FILIP1L: variants seen among roughly 807,000 people sequenced by gnomAD.
FILIP1L encodes filamin A interacting protein 1 like, also known as filamin A-interacting protein 1-like.
FILIP1L carries 55 observed loss-of-function variants against 96.6 expected under a neutral mutation model. The observed-to-expected ratio is 0.57, with a 90% CI of 0.46 to 0.71. The LOEUF (loss-of-function observed/expected upper bound fraction) is 0.71. Among genes scored for constraint, FILIP1L ranks in the 30% least tolerant of loss-of-function variants. The pLI is 0.00. For synonymous variants in FILIP1L, 467 were observed against 473.9 expected, an observed-to-expected ratio of 0.99 and a Z score of 0.19; for missense variants, 1,304 against 1,321.2, an observed-to-expected ratio of 0.99 and a Z score of 0.20.
At position 100,072,652 on chromosome 3, in the gene FILIP1L, T is replaced by C. The variant is rs1050032130; in HGVS notation, c.-11+41401A>G. Among the ~76,000 whole-genome samples the C allele has an allele frequency of 1.4e-4, 22 of 152,362 alleles. 1 individual carries two copies. Among genetic ancestry groups the C allele is most frequent in the South Asian group, 4.1e-4 (2 of 4,828 alleles). On this transcript the variant is annotated intron_variant, in intron 1 of 5. Coordinates refer to ENST00000477258, the MANE Select transcript of FILIP1L (RefSeq NM_001387850.1). The stretch of plus-strand genomic sequence containing the variant: ...CTTCTTTGCAACAATTAGGAAATCT[T>C]TATTGCCTTCCAGAAATATGGGATT...
chr3:99,850,191 T>C lies in FILIP1L; in HGVS notation c.1485A>G (p.Thr495=). The change falls in exon 5 of 6, where the codon ACA becomes ACG. Residue 495 remains threonine, a synonymous_variant. Transcript: ENST00000477258. ...TLKEDLTKLK[T]LTVMFVDERK... ...GTTCATCTACAAACATCACAGTTAA[T>C]GTTTTCAGTTTAGTTAAATCCTCTT... is the stretch of plus-strand genomic sequence containing the variant. 6.2e-7 allele frequency: 1 copy of C among 1,612,448 alleles called. No individual in the cohort carries two copies. Among genetic ancestry groups the C allele is most frequent in the Non-Finnish European group, 8.5e-7 (1 of 1,179,850 alleles).
intron 1 of FILIP1L, among the ~76,000 whole-genome samples, chr3:100,101,882 G>C (rs1023639858): frequency 4.6e-4 from 70 of 152,000 alleles, no homozygotes; most frequent in African/African-American, 1.6e-3. Flanking sequence ...TTGGTTTTTT[G>C]TCCTTGCGAT....
chr3:99,852,518 T>G (rs963946573), intron 4 of FILIP1L, among the ~76,000 whole-genome samples: 3 of 152,148 alleles, frequency 2.0e-5, no homozygotes, highest in Non-Finnish European at 4.4e-5. Flanking sequence ...CGATCTCGAC[T>G]CACTGCAACC....
rs140453369 is a variant in FILIP1L at position 100,072,712 on chromosome 3, G to A, written c.-11+41341C>T. ...CAGCTGAAATACAGATTATCTACTG[G>A]ACAGAGGTGATGAGGACTTATCACC... On this transcript the variant is annotated intron_variant, in intron 1 of 5. Coordinates refer to ENST00000477258, the MANE Select transcript of FILIP1L (RefSeq NM_001387850.1). 4.0e-3 allele frequency among the ~76,000 whole-genome samples: 611 copies of A among 152,294 alleles called. 4 individuals carry two copies. Among genetic ancestry groups the A allele is most frequent in the African/African-American group, 0.014 (568 of 41,540 alleles).
intron 4 of FILIP1L, among the ~76,000 whole-genome samples, chr3:99,892,701 C>G (rs1706122390): frequency 6.6e-6 from 1 of 152,182 alleles, no homozygotes; most frequent in Non-Finnish European, 1.5e-5. Flanking sequence ...TTTCCCATAA[C>G]TCTCCCCCAA....
At chr3:99,929,208 C>T (rs1445176642) in intron 3 of FILIP1L, among the ~76,000 whole-genome samples, 3 of 152,152 alleles carry the variant, frequency 2.0e-5, no homozygotes, top group African/African-American at 7.2e-5. Context: ...AGTAAAAGAG[C>T]AAGCAGTACT....
chr3:100,009,467 G>A (rs1001796376), intron 1 of FILIP1L, among the ~76,000 whole-genome samples: 3 of 152,186 alleles, frequency 2.0e-5, no homozygotes, highest in African/African-American at 4.8e-5. Flanking sequence ...TGGGGTGACT[G>A]TGGGTCAGAG....
At chr3:99,980,675 T>A (rs1037776625) in intron 1 of FILIP1L, among the ~76,000 whole-genome samples, 14 of 152,188 alleles carry the variant, frequency 9.2e-5, no homozygotes, top group African/African-American at 3.4e-4. Context: ...TAAGATTGTT[T>A]TGAGAATCAA....
intron 4 of FILIP1L, among the ~76,000 whole-genome samples, chr3:99,904,912 C>T (rs893856509): frequency 6.6e-6 from 1 of 152,202 alleles, no homozygotes; most frequent in African/African-American, 2.4e-5. Flanking sequence ...TCTACATCCT[C>T]ACCACCTTCT....
chr3:99,929,515 T>A (rs1252708055), intron 3 of FILIP1L, among the ~76,000 whole-genome samples: 1 of 137,870 alleles, frequency 7.3e-6, no homozygotes, highest in East Asian at 2.2e-4. Context: ...GTTCCCAGAG[T>A]GTGTGTGTGT....
intron 1 of FILIP1L, among the ~76,000 whole-genome samples, chr3:100,045,190 C>G (rs909611167): frequency 6.6e-6 from 1 of 152,196 alleles, no homozygotes. Context: ...CCTCTCGAAG[C>G]CTTAGTTGTT....
At chr3:100,025,677 G>A (rs1460612958) in intron 1 of FILIP1L, 1 of 152,088 alleles carries the variant, frequency 6.6e-6, no homozygotes, top group African/African-American at 2.4e-5. Flanking sequence ...AACATACCAG[G>A]TCGTCCACAG....
chr3:100,089,076 T>G (rs1200555394), intron 1 of FILIP1L, among the ~76,000 whole-genome samples: 1 of 152,154 alleles, frequency 6.6e-6, no homozygotes, highest in Non-Finnish European at 1.5e-5. Context: ...AAGGCATCAG[T>G]GAGGATCATT....
At chr3:100,005,225 G>A (rs1021266160) in intron 1 of FILIP1L, among the ~76,000 whole-genome samples, 1 of 152,196 alleles carries the variant, frequency 6.6e-6, no homozygotes, top group Non-Finnish European at 1.5e-5. Context: ...ATGAAAGGTT[G>A]TTGGTGATAA....
intron 1 of FILIP1L, among the ~76,000 whole-genome samples, chr3:100,008,677 G>A (rs1031157072): frequency 4.6e-5 from 7 of 152,214 alleles, no homozygotes; most frequent in Admixed American, 1.3e-4. Context: ...GCAACATTCA[G>A]CATTGTACTT....
chr3:99,833,273 T>C (rs753859249), intron 5 of FILIP1L: 5 of 1,607,556 alleles, frequency 3.1e-6, no homozygotes, highest in Non-Finnish European at 3.4e-6. Context: ...TAGGGAGCAG[T>C]AGAAAGAAGA....
intron 1 of FILIP1L, among the ~76,000 whole-genome samples, chr3:100,108,937 C>T (rs575221734): frequency 9.9e-5 from 15 of 152,100 alleles, no homozygotes; most frequent in East Asian, 7.7e-4. Flanking sequence ...TGGCCAGTTT[C>T]GCAACATGGC....
At position 99,850,702 on chromosome 3, in the gene FILIP1L, T is replaced by C. The variant is rs751146930; in HGVS notation, c.974A>G (p.Gln325Arg). 1 of 1,614,186 alleles carries C rather than the reference T, an allele frequency of 6.2e-7. No individual in the cohort carries two copies. Among genetic ancestry groups the C allele is most frequent in the South Asian group, 1.1e-5 (1 of 91,072 alleles). Residue 325 changes from glutamine to arginine, a missense_variant, in exon 5 of 6, where the codon CAA becomes CGA. Coordinates refer to ENST00000477258, the MANE Select transcript of FILIP1L (RefSeq NM_001387850.1). ...CTGCCGGCTGAGTGCTGCCAGCTTT[T>C]GTTGAAGCTGGCGATTTTGACTGTC... ...NEDSQNRQLQ[Q>R]KLAALSRQID...
intron 1 of FILIP1L, among the ~76,000 whole-genome samples, chr3:100,012,929 C>T (rs573538029): frequency 1.1e-4 from 17 of 151,952 alleles, no homozygotes; most frequent in Admixed American, 4.6e-4. Context: ...TGTGCCACCA[C>T]ACCCAACCAA....
Sources: gnomAD v4.1 joint callset for allele counts (sites outside exome capture counted in the v4.1 genomes callset) on GRCh38, gnomAD v4.1.1 for gene constraint, MANE v1.5 for transcripts, NCBI Gene and HGNC (gene_info 2026-07-23, HGNC 2026-07-21) for gene names.